Variants in SMCO4 observed in about 807,000 individuals in gnomAD.
SMCO4 encodes single-pass membrane protein with coiled-coil domains 4.
A neutral mutation model predicts 3.6 loss-of-function variants in SMCO4; 4 were observed. That is an observed-to-expected ratio of 1.11 (90% CI 0.54 to 2.53). The LOEUF (loss-of-function observed/expected upper bound fraction) is 2.53, where lower values mean the gene tolerates loss of function less well. Ranked by LOEUF, SMCO4 falls within the 30% of genes most tolerant of loss-of-function variation. The probability of loss-of-function intolerance (pLI) is 0.02; values close to 1 mark genes in which losing one functional copy is unlikely to be tolerated. For synonymous variants in SMCO4, 36 were observed against 35.3 expected (o/e 1.02, Z -0.07); for missense variants, 70 against 80.8 (o/e 0.87, Z 0.51).
At chr11:93,495,868 C>G (rs544417945) in intron 2 of SMCO4, among the ~76,000 whole-genome samples, 11 of 152,182 alleles carry the variant, frequency 7.2e-5, no homozygotes, top group Non-Finnish European at 1.3e-4. Context: ...TCTAAGTACA[C>G]CTTTGAGAGC....
intron 1 of SMCO4, among the ~76,000 whole-genome samples, chr11:93,500,425 C>G (rs1948824295): frequency 6.6e-6 from 1 of 152,194 alleles, no homozygotes; most frequent in Non-Finnish European, 1.5e-5. Flanking sequence ...CGACCTCTAT[C>G]CTCGCCATAT....
intron 1 of SMCO4, among the ~76,000 whole-genome samples, chr11:93,526,729 T>G (rs1016571068): frequency 1.3e-5 from 2 of 152,144 alleles, no homozygotes; most frequent in South Asian, 2.1e-4. Flanking sequence ...CAGCACTTTT[T>G]CCCTACATCA....
chr11:93,539,618 G>A (rs542559764), intron 1 of SMCO4, among the ~76,000 whole-genome samples: 1 of 152,196 alleles, frequency 6.6e-6, no homozygotes, highest in Admixed American at 6.5e-5. Context: ...GGAAATTCTG[G>A]CATCAGTCAC....
intron 2 of SMCO4, among the ~76,000 whole-genome samples, chr11:93,490,348 A>G (rs939133694): frequency 8.5e-5 from 13 of 152,244 alleles, no homozygotes; most frequent in African/African-American, 2.9e-4. Flanking sequence ...ATAACTAAAT[A>G]AACGTGAAGT....
chr11:93,500,484 G>C (rs1159862062), intron 1 of SMCO4, among the ~76,000 whole-genome samples: 1 of 152,090 alleles, frequency 6.6e-6, no homozygotes, highest in East Asian at 1.9e-4. Flanking sequence ...CCTACTGTGG[G>C]GATTTAAGAA....
chr11:93,542,725 C>T (rs889466478), intron 1 of SMCO4, among the ~76,000 whole-genome samples: 4 of 152,130 alleles, frequency 2.6e-5, no homozygotes, highest in African/African-American at 9.7e-5. Flanking sequence ...CTCTATCCCG[C>T]CCCCGCCTCA....
chr11:93,514,381 T>C (rs1195912741), intron 1 of SMCO4, among the ~76,000 whole-genome samples: 36 of 9,440 alleles, frequency 3.8e-3, no homozygotes, highest in African/African-American at 0.016. Context: ...AGGCTATATA[T>C]ATATATATAT....
chr11:93,551,811 G>C, the SMCO4 span, among the ~76,000 whole-genome samples: 1 of 152,160 alleles, frequency 6.6e-6, no homozygotes, highest in Non-Finnish European at 1.5e-5. Flanking sequence ...TGTGAAATAA[G>C]AGCCAAATTA....
intron 1 of SMCO4, among the ~76,000 whole-genome samples, chr11:93,499,770 C>T (rs147546268): frequency 5.8e-4 from 88 of 152,134 alleles, no homozygotes; most frequent in African/African-American, 2.0e-3. Context: ...GAAACAAACG[C>T]GGAAGGTGAA....
At chr11:93,507,833 C>T (rs992288368) in intron 1 of SMCO4, among the ~76,000 whole-genome samples, 2 of 152,162 alleles carry the variant, frequency 1.3e-5, no homozygotes, top group African/African-American at 4.8e-5. Flanking sequence ...GTTCAACCAA[C>T]ACAATATACT....
upstream of SMCO4, among the ~76,000 whole-genome samples, chr11:93,544,280 G>A (rs897066764): frequency 6.6e-5 from 10 of 152,178 alleles, no homozygotes; most frequent in African/African-American, 2.4e-4. Flanking sequence ...GATGCAGTAG[G>A]TGATTTTAAA....
At chr11:93,541,248 G>A (rs1949268592) in intron 1 of SMCO4, among the ~76,000 whole-genome samples, 2 of 152,186 alleles carry the variant, frequency 1.3e-5, no homozygotes, top group Non-Finnish European at 2.9e-5. Context: ...GTTGCCCAGG[G>A]GGTCTAGGGG....
At chr11:93,512,549 T>C (rs1215497828) in intron 1 of SMCO4, among the ~76,000 whole-genome samples, 6 of 152,262 alleles carry the variant, frequency 3.9e-5, no homozygotes. Context: ...ACTATATTTT[T>C]ATTGTACCTT....
chr11:93,520,352 T>C (rs1478455465), intron 1 of SMCO4, among the ~76,000 whole-genome samples: 1 of 152,162 alleles, frequency 6.6e-6, no homozygotes, highest in East Asian at 1.9e-4. Context: ...GAGCAGACAT[T>C]GCATTGAGGG....
intron 2 of SMCO4, among the ~76,000 whole-genome samples, 187 bp downstream of exon 2, chr11:93,499,089 A>G (rs1948808881): frequency 6.6e-6 from 1 of 152,124 alleles, no homozygotes; most frequent in African/African-American, 2.4e-5. Context: ...AATCACCCGC[A>G]GCCTGGAGGA....
chr11:93,527,901 G>A (rs1047579558), intron 1 of SMCO4, among the ~76,000 whole-genome samples: 1 of 152,128 alleles, frequency 6.6e-6, no homozygotes, highest in African/African-American at 2.4e-5. Context: ...TCAGCCTCCT[G>A]AGTAGCTGGG....
At chr11:93,526,271 T>A (rs1949106041) in intron 1 of SMCO4, among the ~76,000 whole-genome samples, 1 of 149,250 alleles carries the variant, frequency 6.7e-6, no homozygotes, top group Non-Finnish European at 1.5e-5. Context: ...CTGCTCAAGA[T>A]TAGAGAACAG....
intron 1 of SMCO4, 62 bp downstream of exon 1, chr11:93,543,202 GTGCCCCGTGCCC>G (rs1949286715): frequency 7.9e-6 from 1 of 125,896 alleles, no homozygotes; most frequent in Non-Finnish European, 1.9e-5. Context: ...CCGGTGCCCG[GTGCCCCGTGCCC>G]CGCGCCCGCC....
intron 2 of SMCO4, among the ~76,000 whole-genome samples, chr11:93,480,878 A>T (rs147036019): frequency 5.4e-4 from 82 of 152,318 alleles, no homozygotes; most frequent in African/African-American, 1.9e-3. Flanking sequence ...CCTTTTTTGT[A>T]TCATTCAAAA....
Sources: gnomAD v4.1 joint callset for allele counts (sites outside exome capture counted in the v4.1 genomes callset) on GRCh38, gnomAD v4.1.1 for gene constraint, MANE v1.5 for transcripts, NCBI Gene and HGNC (gene_info 2026-07-23, HGNC 2026-07-21) for gene names.